The following RGL1 variants were observed in gnomAD, a reference collection of about 807,000 sequenced individuals.
RGL1 encodes the protein ral guanine nucleotide dissociation stimulator-like 1.
Under a neutral mutation model 95.2 loss-of-function variants are expected in RGL1, and 24 were observed. The ratio of observed to expected loss-of-function variants is 0.25; its 90% CI spans 0.18 to 0.35. RGL1 has a LOEUF of 0.35. RGL1 is among the 10% of genes least tolerant of loss of function. The pLI, the probability that RGL1 is intolerant of heterozygous loss-of-function variation, is 1.00. For synonymous variants in RGL1, 329 were observed against 344.9 expected, an observed-to-expected ratio of 0.95 and a Z score of 0.51; for missense variants, 715 against 936.3, an observed-to-expected ratio of 0.76 and a Z score of 3.08.
chr1:183,845,018 C>G (rs796934162), intron 2 of RGL1, among the ~76,000 whole-genome samples: 24 of 152,300 alleles, frequency 1.6e-4, no homozygotes, highest in African/African-American at 5.3e-4. Context: ...CTGTTAGTTT[C>G]CTTCCAGTAG....
rs561406392 is a variant in RGL1 at position 183,925,552 on chromosome 1, A to T, written c.2120-553A>T. The stretch of plus-strand genomic sequence containing the variant: ...CCAAAACTTAAAGTAAAATTTTTTT[A>T]AAAAAATATACATACTTTCCTACAT... On this transcript the variant is annotated intron_variant, in intron 17 of 17. Transcript: ENST00000360851. Among the ~76,000 whole-genome samples the T allele has an allele frequency of 5.7e-3, 823 of 144,990 alleles. 2 individuals carry two copies. Among genetic ancestry groups the T allele is most frequent in the African/African-American group, 0.018 (726 of 39,386 alleles).
At chr1:183,886,617 A>G (rs1667123459) in intron 7 of RGL1, among the ~76,000 whole-genome samples, 1 of 152,174 alleles carries the variant, frequency 6.6e-6, no homozygotes, top group Non-Finnish European at 1.5e-5. Context: ...TTCAAATCCC[A>G]TATCATGTGC....
At chr1:183,912,531 G>A (rs1484681655) in intron 15 of RGL1, among the ~76,000 whole-genome samples, 1 of 152,206 alleles carries the variant, frequency 6.6e-6, no homozygotes, top group Non-Finnish European at 1.5e-5. Flanking sequence ...GAGTTATTTA[G>A]GGGAAGTAGG....
intron 1 of RGL1, chr1:183,648,033 G>A: frequency 6.2e-7 from 1 of 1,614,152 alleles, no homozygotes; most frequent in Non-Finnish European, 8.5e-7. Flanking sequence ...TTTTGTGTTT[G>A]GATTCCTTTT....
intron 2 of RGL1, among the ~76,000 whole-genome samples, chr1:183,819,547 T>G (rs1662312793): frequency 6.6e-6 from 1 of 152,212 alleles, no homozygotes; most frequent in Non-Finnish European, 1.5e-5. Context: ...ATGCAAGAGG[T>G]TTTCAGAATT....
chr1:183,640,218 A>T (rs1482511060), intron 1 of RGL1, among the ~76,000 whole-genome samples: 1 of 152,240 alleles, frequency 6.6e-6, no homozygotes, highest in Non-Finnish European at 1.5e-5. Context: ...ACTCAAAGTC[A>T]GAGTTGGCAC....
intron 2 of RGL1, among the ~76,000 whole-genome samples, chr1:183,830,277 C>T (rs1663171472): frequency 6.6e-6 from 1 of 152,094 alleles, no homozygotes; most frequent in African/African-American, 2.4e-5. Context: ...AAACAATATC[C>T]TTTGTGTTCA....
rs773289281 is a variant in RGL1, at chr1:183,888,556, A to T, written c.1034A>T (p.Lys345Met). The T allele has an allele frequency of 6.2e-7, 1 of 1,612,792 alleles. No individual in the cohort carries two copies. Among genetic ancestry groups the T allele is most frequent in the Non-Finnish European group, 8.5e-7 (1 of 1,178,860 alleles). Residue 345 changes from lysine to methionine, a missense_variant, in exon 8 of 18, where the codon AAG (lysine) becomes ATG (methionine). Transcript: ENST00000360851. ...LQSNSIYRLK[K>M]TWAAVPRDRM... ...TCTAATTCCATCTATCGGTTAAAAAAGACTTGGGCTGCCGTCCCAAGGTAA... is the reference window on the plus strand; with the variant it reads ...TCTAATTCCATCTATCGGTTAAAAATGACTTGGGCTGCCGTCCCAAGGTAA...
intron 2 of RGL1, among the ~76,000 whole-genome samples, chr1:183,776,639 A>T (rs1369051554): frequency 6.6e-6 from 1 of 152,190 alleles, no homozygotes; most frequent in African/African-American, 2.4e-5. Flanking sequence ...GGAGGCGGGG[A>T]GTGTCCCATG....
At chr1:183,646,596 G>A (rs1351021060) in intron 1 of RGL1, 1 of 152,198 alleles carries the variant, frequency 6.6e-6, no homozygotes, top group African/African-American at 2.4e-5. Context: ...TCCTAGAAGT[G>A]TGTTTTGAAG....
At chr1:183,918,372 G>T (rs1657611069) in intron 16 of RGL1, among the ~76,000 whole-genome samples, 1 of 152,134 alleles carries the variant, frequency 6.6e-6, no homozygotes. Context: ...GAAACACAGG[G>T]AAGCCAAGGT....
At chr1:183,776,430 G>A (rs1360981310) in intron 2 of RGL1, among the ~76,000 whole-genome samples, 1 of 151,766 alleles carries the variant, frequency 6.6e-6, no homozygotes, top group African/African-American at 2.4e-5. Context: ...TTACAGGCGT[G>A]AGCCACCGCG....
chr1:183,695,868 G>A lies in RGL1; in HGVS notation c.-32-46258G>A, dbSNP rs72731502. 4.3e-3 allele frequency among the ~76,000 whole-genome samples: 660 copies of A among 151,778 alleles called. 2 individuals are homozygous for A. The highest frequency in any genetic ancestry group is 7.4e-3 in the Non-Finnish European group (500 of 67,958). ...TCTAATATATTTTAAAGTTTTGTTC[G>A]GTTGTCCCCCACTGAAAAAAAAAAC... is the stretch of plus-strand genomic sequence containing the variant. On this transcript the variant is annotated intron_variant, in intron 1 of 18. Transcript: ENST00000304685.
intron 2 of RGL1, among the ~76,000 whole-genome samples, chr1:183,843,903 C>G (rs1214304805): frequency 6.6e-6 from 1 of 152,182 alleles, no homozygotes; most frequent in Admixed American, 6.5e-5. Context: ...CTCCAGCCCA[C>G]TGCAACCTCC....
At chr1:183,911,958 A>G in intron 14 of RGL1, 124 bp from the exon 15 acceptor site, 1 of 790,574 alleles carries the variant, frequency 1.3e-6, no homozygotes, top group South Asian at 1.9e-5. Flanking sequence ...TCCTCCTAAA[A>G]TAATAATGAC....
chr1:183,737,949 G>T (rs1368337051), intron 1 of RGL1, among the ~76,000 whole-genome samples: 1 of 152,142 alleles, frequency 6.6e-6, no homozygotes, highest in Non-Finnish European at 1.5e-5. Context: ...CTTCAAAATT[G>T]ATTTCCAAAG....
intron 1 of RGL1, among the ~76,000 whole-genome samples, chr1:183,723,980 G>A (rs1424551105): frequency 1.3e-5 from 2 of 152,150 alleles, no homozygotes; most frequent in Non-Finnish European, 2.9e-5. Flanking sequence ...GTCACAGTAG[G>A]ATAGGGCATT....
intron 2 of RGL1, among the ~76,000 whole-genome samples, chr1:183,798,810 T>A (rs188928035): frequency 2.0e-5 from 3 of 152,108 alleles, no homozygotes; most frequent in Non-Finnish European, 1.5e-5. Context: ...TTTGTCTTTC[T>A]GTATTTGGTT....
chr1:183,715,015 T>A (rs1047487629), intron 1 of RGL1, among the ~76,000 whole-genome samples: 4 of 152,180 alleles, frequency 2.6e-5, no homozygotes, highest in Non-Finnish European at 5.9e-5. Context: ...ATTACCATCC[T>A]ACTAGGTAGG....
Sources: allele counts gnomAD v4.1 joint callset (sites outside exome capture counted in the v4.1 genomes callset), GRCh38; gene constraint gnomAD v4.1.1; transcripts MANE v1.5; gene names NCBI Gene and HGNC (gene_info 2026-07-23, HGNC 2026-07-21).